The following TPD52L1 variants were observed in gnomAD, a reference collection of about 807,000 sequenced individuals.
TPD52L1 encodes tumor protein D53.
TPD52L1 carries 18 observed loss-of-function variants against 28.7 expected under a neutral mutation model. The ratio of observed to expected loss-of-function variants is 0.63; its 90% CI spans 0.43 to 0.93. The LOEUF is 0.93. Ranked by LOEUF, TPD52L1 falls within the 40% of genes least tolerant of loss-of-function variation. The pLI is 0.00. For missense variants in TPD52L1, 203 were observed against 254.8 expected (o/e 0.80, Z 1.39); for synonymous variants, 75 against 88.8 (o/e 0.84, Z 0.88).
intron 2 of TPD52L1, among the ~76,000 whole-genome samples, chr6:125,228,463 T>C (rs368913845): frequency 6.6e-6 from 1 of 152,342 alleles, no homozygotes; most frequent in Admixed American, 6.5e-5. Context: ...TTCCTTCCTT[T>C]CTTAAGGCAT....
At chr6:125,172,013 A>C in intron 1 of TPD52L1, among the ~76,000 whole-genome samples, 1 of 149,308 alleles carries the variant, frequency 6.7e-6, no homozygotes, top group African/African-American at 2.5e-5. Context: ...TTAAAACGGT[A>C]CCCTTCCCCT....
At chr6:125,216,529 G>GTGTA (rs1314530488) in intron 1 of TPD52L1, among the ~76,000 whole-genome samples, 32 of 69,046 alleles carry the variant, frequency 4.6e-4, no homozygotes, top group African/African-American at 9.3e-4. Flanking sequence ...GTATGTGTGT[G>GTGTA]TATATATATA....
chr6:125,218,384 T>C (rs910730413), intron 1 of TPD52L1, among the ~76,000 whole-genome samples: 3 of 152,220 alleles, frequency 2.0e-5, no homozygotes, highest in Non-Finnish European at 4.4e-5. Flanking sequence ...CTGGGTTTAT[T>C]AACATTTGTG....
chr6:125,212,987 C>A (rs1449732128), intron 1 of TPD52L1, among the ~76,000 whole-genome samples: 1 of 152,160 alleles, frequency 6.6e-6, no homozygotes, highest in East Asian at 1.9e-4. Flanking sequence ...TTATTTGTTA[C>A]CTTTATTAAA....
At chr6:125,248,201 C>T in intron 3 of TPD52L1, 81 bp from the exon 4 acceptor site, 2 of 1,149,352 alleles carry the variant, frequency 1.7e-6, no homozygotes, top group South Asian at 2.7e-5. Context: ...AGGACATTTT[C>T]AAAGTAAGGA....
At chr6:125,260,039 T>G (rs1797819726) in intron 6 of TPD52L1, 1 of 152,150 alleles carries the variant, frequency 6.6e-6, no homozygotes, top group Non-Finnish European at 1.5e-5. Flanking sequence ...ATTTTACTAC[T>G]CTGTTTAGAG....
intron 1 of TPD52L1, among the ~76,000 whole-genome samples, chr6:125,156,054 A>G (rs1471585599): frequency 6.6e-6 from 1 of 152,242 alleles, no homozygotes; most frequent in Non-Finnish European, 1.5e-5. Flanking sequence ...TCCCCACCTG[A>G]ATCTCCAGCT....
At chr6:125,202,020 T>G (rs143197008) in intron 1 of TPD52L1, among the ~76,000 whole-genome samples, 1 of 152,354 alleles carries the variant, frequency 6.6e-6, no homozygotes, top group African/African-American at 2.4e-5. Flanking sequence ...TCTATACGTC[T>G]GACCAATGCT....
intron 3 of TPD52L1, 84 bp downstream of exon 3, chr6:125,229,350 G>C (rs1202561174): frequency 1.6e-5 from 22 of 1,381,950 alleles, no homozygotes; most frequent in Non-Finnish European, 2.0e-5. Flanking sequence ...TTCCTACAAG[G>C]CTGATTTGGT....
rs1052479903 is a variant in TPD52L1 at position 125,176,191 on chromosome 6, G to A, written c.19+22221G>A. On this transcript the variant is annotated intron_variant, in intron 1 of 6. Transcript: ENST00000534000. ...TAGAAATAAAAATGACAATAATTTGGTGGCATTTTCTTTTATAATGCACAT... is the reference window on the plus strand; with the variant it reads ...TAGAAATAAAAATGACAATAATTTGATGGCATTTTCTTTTATAATGCACAT... 2.0e-5 allele frequency among the ~76,000 whole-genome samples: 3 copies of A among 152,292 alleles called. 1 individual carries two copies. In the South Asian group the frequency reaches 6.2e-4, roughly 32 times the overall value.
intron 1 of TPD52L1, among the ~76,000 whole-genome samples, chr6:125,192,050 A>C (rs1393464604): frequency 2.0e-5 from 3 of 152,176 alleles, no homozygotes; most frequent in Non-Finnish European, 2.9e-5. Flanking sequence ...GGGGGGAAGA[A>C]AGCCACGTTC....
At chr6:125,245,933 C>T (rs1229490096) in intron 3 of TPD52L1, among the ~76,000 whole-genome samples, 1 of 152,210 alleles carries the variant, frequency 6.6e-6, no homozygotes, top group East Asian at 1.9e-4. Flanking sequence ...CAGCAGTTTC[C>T]ACTCACCCCC....
At chr6:125,185,842 T>C (rs896334367) in intron 1 of TPD52L1, among the ~76,000 whole-genome samples, 2 of 151,488 alleles carry the variant, frequency 1.3e-5, no homozygotes, top group African/African-American at 2.4e-5. Context: ...ACCAAAATAT[T>C]GAAGAAATTC....
intron 6 of TPD52L1, chr6:125,260,957 A>AAAG (rs1797920594): frequency 2.4e-5 from 1 of 40,996 alleles, no homozygotes; most frequent in African/African-American, 2.6e-4. Flanking sequence ...AGAAAGAAAG[A>AAAG]AAGAAAGAAA....
chr6:125,249,062 A>T (rs770754540), intron 4 of TPD52L1, among the ~76,000 whole-genome samples: 8 of 152,000 alleles, frequency 5.3e-5, no homozygotes, highest in Non-Finnish European at 8.8e-5. Flanking sequence ...GAGAACCAAA[A>T]GTTCTCACTG....
intron 1 of TPD52L1, among the ~76,000 whole-genome samples, chr6:125,175,017 A>G (rs995078378): frequency 2.0e-5 from 3 of 151,742 alleles, no homozygotes; most frequent in East Asian, 1.9e-4. Flanking sequence ...TTACATATAT[A>G]TGTGTGTGTG....
chr6:125,204,759 G>C (rs1406631483), intron 1 of TPD52L1, among the ~76,000 whole-genome samples: 1 of 152,292 alleles, frequency 6.6e-6, no homozygotes, highest in African/African-American at 2.4e-5. Flanking sequence ...AATTACAGGC[G>C]TGAGCCACTG....
intron 1 of TPD52L1, among the ~76,000 whole-genome samples, chr6:125,185,773 T>C (rs1385735689): frequency 1.3e-5 from 2 of 152,050 alleles, no homozygotes; most frequent in Non-Finnish European, 2.9e-5. Flanking sequence ...TGGGGTAATA[T>C]ACAAACCCCC....
intron 3 of TPD52L1, among the ~76,000 whole-genome samples, chr6:125,230,617 T>A (rs1316350866): frequency 1.3e-5 from 2 of 152,182 alleles, no homozygotes; most frequent in Non-Finnish European, 2.9e-5. Context: ...AGAACTAAGA[T>A]GTAAGCCTTT....
Sources: allele counts gnomAD v4.1 joint callset (sites outside exome capture counted in the v4.1 genomes callset), GRCh38; gene constraint gnomAD v4.1.1; transcripts MANE v1.5; gene names NCBI Gene and HGNC (gene_info 2026-07-23, HGNC 2026-07-21).